Variants in EIF4E2 observed in about 807,000 individuals in gnomAD.
The protein encoded by EIF4E2 is eukaryotic translation initiation factor 4E type 2.
In EIF4E2, 13 loss-of-function variants were observed where a neutral mutation model predicts 34.2. That is an observed-to-expected ratio of 0.38 (90% confidence interval 0.25 to 0.60). EIF4E2 has a LOEUF of 0.60. Ranked by LOEUF, EIF4E2 falls within the 20% of genes least tolerant of loss-of-function variation. The pLI, the probability that EIF4E2 is intolerant of heterozygous loss-of-function variation, is 0.62. For missense variants in EIF4E2, 222 were observed against 315.1 expected, an observed-to-expected ratio of 0.70 and a Z score of 2.24; for synonymous variants, 100 against 106.6, an observed-to-expected ratio of 0.94 and a Z score of 0.38.
In EIF4E2 at chr2:232,566,262, C is replaced by T. The variant is rs1159143925; in HGVS notation, c.376-567C>T. ...AGTGCAGTGGCACGATCTCGGCTCCCTGCAAGCTCTGCCTCCCGAGTTCAC... is the reference window on the plus strand; with the variant it reads ...AGTGCAGTGGCACGATCTCGGCTCCTTGCAAGCTCTGCCTCCCGAGTTCAC... On this transcript the variant is annotated intron_variant, in intron 4 of 6. Coordinates refer to ENST00000258416, the MANE Select transcript of EIF4E2 (RefSeq NM_004846.4). The surrounding 1 kb of genome is among the most constrained non-coding windows in gnomAD (Gnocchi z 4.9). 6.6e-6 allele frequency among the ~76,000 whole-genome samples: 1 copy of T among 152,178 alleles called. No homozygotes were observed. The highest frequency in any genetic ancestry group is 1.5e-5 in the Non-Finnish European group (1 of 68,036).
downstream of EIF4E2, among the ~76,000 whole-genome samples, chr2:232,573,204 T>A (rs77602411): frequency 3.9e-5 from 6 of 152,318 alleles, no homozygotes; most frequent in East Asian, 1.2e-3. Context: ...ACTAGGAGCT[T>A]TGGTAATAAT....
chr2:232,563,887 A>G (rs777223260), intron 3 of EIF4E2, among the ~76,000 whole-genome samples: 6 of 152,204 alleles, frequency 3.9e-5, no homozygotes, highest in Admixed American at 6.5e-5. Flanking sequence ...AAGAGTTTCC[A>G]TTGTGCAAAA....
At chr2:232,563,698 A>C (rs1203537682) in intron 3 of EIF4E2, among the ~76,000 whole-genome samples, 2 of 152,138 alleles carry the variant, frequency 1.3e-5, no homozygotes, top group Non-Finnish European at 2.9e-5. Context: ...AACAGGTCTA[A>C]GAGGTATTTA....
intron 2 of EIF4E2, among the ~76,000 whole-genome samples, chr2:232,557,095 A>G (rs1045368677): frequency 1.3e-5 from 2 of 152,160 alleles, no homozygotes; most frequent in African/African-American, 4.8e-5. Context: ...AAATACAAAA[A>G]TTAGCTGGAT....
chr2:232,551,573 T>C (rs1395915150), intron 1 of EIF4E2, among the ~76,000 whole-genome samples: 1 of 152,206 alleles, frequency 6.6e-6, no homozygotes, highest in Non-Finnish European at 1.5e-5. Context: ...TCTGTTTGAC[T>C]GTAGAAAAGT....
chr2:232,557,836 G>C (rs761927224), intron 2 of EIF4E2, 48 bp from the exon 3 acceptor site: 7 of 1,599,732 alleles, frequency 4.4e-6, no homozygotes, highest in Non-Finnish European at 5.1e-6. Flanking sequence ...CTCAGTCTCA[G>C]ACCACGTGAC....
intron 3 of EIF4E2, among the ~76,000 whole-genome samples, chr2:232,560,567 A>G (rs1435576684): frequency 6.6e-6 from 1 of 152,022 alleles, no homozygotes; most frequent in Non-Finnish European, 1.5e-5. Context: ...CTTGATCTCA[A>G]GAGTTTGAGA....
chr2:232,568,459 T>C (rs987730078), intron 6 of EIF4E2: 2 of 985,290 alleles, frequency 2.0e-6, no homozygotes, highest in Non-Finnish European at 2.4e-6. Flanking sequence ...CTGGGCACAT[T>C]TTTCTTATTC....
chr2:232,575,377 C>T (rs1202466309), intron 6 of EIF4E2, among the ~76,000 whole-genome samples: 1 of 102,954 alleles, frequency 9.7e-6, no homozygotes, highest in Non-Finnish European at 2.3e-5. Flanking sequence ...GTGATGCCAC[C>T]CATACCTTTT....
At chr2:232,570,752 C>T (rs1321201857), downstream of EIF4E2, among the ~76,000 whole-genome samples, 1 of 152,200 alleles carries the variant, frequency 6.6e-6, no homozygotes, top group African/African-American at 2.4e-5. Context: ...GCCTGGCCAA[C>T]ATGGTGAAAC....
intron 6 of EIF4E2, among the ~76,000 whole-genome samples, chr2:232,576,032 C>G (rs1054203052): frequency 6.6e-6 from 1 of 152,100 alleles, no homozygotes; most frequent in African/African-American, 2.4e-5. Context: ...GGTGAAACCC[C>G]GTCTCTACTA....
chr2:232,581,330 T>G lies in EIF4E2; in HGVS notation c.*387T>G. On this transcript the variant is annotated 3_prime_UTR_variant, in exon 7 of 7. Coordinates refer to the EIF4E2 transcript ENST00000409098. This position sits in a 1 kb window ranked among gnomAD's most constrained non-coding sequence, Gnocchi z 5.2. ...CTGTTGATGAGAGTTACCAGTATTA[T>G]GAATGTCTGTGCATCCAGGAAAAGT... The G allele has an allele frequency of 2.8e-6, 1 of 363,326 alleles. No homozygotes were observed. Among genetic ancestry groups the G allele is most frequent in the South Asian group, 2.2e-5 (1 of 46,228 alleles). 22.5% of individuals were successfully genotyped at this position (363,326 alleles called of 1,614,324 possible).
intron 6 of EIF4E2, among the ~76,000 whole-genome samples, chr2:232,574,650 T>A (rs1025591681): frequency 6.6e-6 from 1 of 152,206 alleles, no homozygotes; most frequent in African/African-American, 2.4e-5. Context: ...TGCTTTTTCT[T>A]TTTGCTCAAA....
Position 232,569,037 on chromosome 2 carries a change from G to T in EIF4E2, c.*20G>T, listed in dbSNP as rs1354607291. 1 of 1,613,216 alleles carries T rather than the reference G, an allele frequency of 6.2e-7. No homozygotes were observed. Among genetic ancestry groups the T allele is most frequent in the Non-Finnish European group, 8.5e-7 (1 of 1,179,696 alleles). ...CCATGACCCTCTCCCTCTCTGGATG[G>T]CACCATCATTGAAGCTGGCGTCATC... On this transcript the variant is annotated 3_prime_UTR_variant, in exon 7 of 7. Transcript: ENST00000258416.
rs1391329167 is a variant in EIF4E2, at chr2:232,550,710, AGCG to A, written c.-8_-6del. The A allele has an allele frequency of 6.3e-7, 1 of 1,584,138 alleles. No homozygotes were observed. The highest frequency in any genetic ancestry group is 8.6e-7 in the Non-Finnish European group (1 of 1,166,992). Reference sequence around the variant, plus strand: ...AGTCACTCCCTGAGGCAGTGGCGACAGCGGCGGCGAGAGGATGAACAACAAGTT... The same window carrying A: ...AGTCACTCCCTGAGGCAGTGGCGACAGCGGCGAGAGGATGAACAACAAGTT... On this transcript the variant is annotated 5_prime_UTR_variant, in exon 1 of 7. Transcript: ENST00000258416.
intron 6 of EIF4E2, chr2:232,580,806 C>G (rs1693334289): frequency 1.8e-6 from 2 of 1,131,294 alleles, no homozygotes; most frequent in Admixed American, 4.3e-5. Flanking sequence ...CATGGAGACC[C>G]CGAGGGCTGA....
intron 4 of EIF4E2, among the ~76,000 whole-genome samples, 160 bp downstream of exon 4, chr2:232,564,511 C>T (rs898646126): frequency 1.8e-4 from 27 of 152,330 alleles, no homozygotes; most frequent in African/African-American, 5.5e-4. Flanking sequence ...AGCGCAGTGG[C>T]GCGATCTCGG....
In EIF4E2 at chr2:232,567,710, T is replaced by A. The variant is rs1268612087; in HGVS notation, c.665+496T>A. On this transcript the variant is annotated intron_variant, in intron 6 of 6. Transcript: ENST00000258416. Reference sequence around the variant, plus strand: ...CTGACTCTTAGAAGAAGGGGGATAGTGTGTGTGTGAGAGAGCAGAATCAAA... The same window carrying A: ...CTGACTCTTAGAAGAAGGGGGATAGAGTGTGTGTGAGAGAGCAGAATCAAA... The A allele has an allele frequency of 4.0e-6, 4 of 994,814 alleles. No homozygotes were observed. In the African/African-American group the frequency reaches 7.0e-5, roughly 17 times the overall value. 61.6% of individuals were successfully genotyped at this position (994,814 alleles called of 1,614,324 possible).
rs1195130375 is a variant in EIF4E2 at position 232,566,250 on chromosome 2, G to T, written c.376-579G>T. 6.6e-6 allele frequency among the ~76,000 whole-genome samples: 1 copy of T among 152,112 alleles called. No homozygotes were observed. The highest frequency in any genetic ancestry group is 1.5e-5 in the Non-Finnish European group (1 of 68,014). On this transcript the variant is annotated intron_variant, in intron 4 of 6. Coordinates refer to ENST00000258416, the MANE Select transcript of EIF4E2 (RefSeq NM_004846.4). The surrounding 1 kb of genome is among the most constrained non-coding windows in gnomAD (Gnocchi z 4.9). ...TTCCCAGGCGGGAGTGCAGTGGCAC[G>T]ATCTCGGCTCCCTGCAAGCTCTGCC... is the stretch of plus-strand genomic sequence containing the variant.
Sources: allele counts gnomAD v4.1 joint callset (sites outside exome capture counted in the v4.1 genomes callset), GRCh38; gene constraint gnomAD v4.1.1; non-coding constraint Gnocchi (gnomAD v3.1); transcripts MANE v1.5; gene names NCBI Gene and HGNC (gene_info 2026-07-23, HGNC 2026-07-21).